The following PRKCE variants were observed in gnomAD, a reference collection of about 807,000 sequenced individuals.
PRKCE encodes protein kinase C epsilon, also known as protein kinase C epsilon type.
PRKCE carries 16 observed loss-of-function variants against 85.4 expected under a neutral mutation model. That is an observed-to-expected ratio of 0.19 (90% confidence interval 0.13 to 0.28). PRKCE has a LOEUF of 0.28. Among genes scored for constraint, PRKCE ranks in the 10% least tolerant of loss-of-function variants. The pLI, the probability that PRKCE is intolerant of heterozygous loss-of-function variation, is 1.00. For missense variants in PRKCE, 573 were observed against 975.2 expected, an observed-to-expected ratio of 0.59 and a Z score of 5.49; for synonymous variants, 388 against 371.5, an observed-to-expected ratio of 1.04 and a Z score of -0.51.
chr2:46,152,003 C>G lies in PRKCE; in HGVS notation c.1920+774C>G, dbSNP rs563033424. Among the ~76,000 whole-genome samples, 5 of 152,316 alleles carry G rather than the reference C, an allele frequency of 3.3e-5. No individual in the cohort carries two copies. The East Asian group carries it at 9.6e-4, about 29-fold the overall frequency. ...CTAAGATAGGATGAGGGTGACAACC[C>G]AGGGACCATGACTTCTAGACTTGGC... On this transcript the variant is annotated intron_variant, in intron 13 of 14. Transcript: ENST00000306156.
At position 45,835,075 on chromosome 2, in the gene PRKCE, C is replaced by T. The variant is rs144310402; in HGVS notation, c.349-7925C>T. On this transcript the variant is annotated intron_variant, in intron 1 of 14. Transcript: ENST00000306156. ...ACGTGGGTGGGTGTGTGAATGTGCA[C>T]GCCTACACAGGTAGGTGTACATTAT... 3.3e-3 allele frequency among the ~76,000 whole-genome samples: 509 copies of T among 152,200 alleles called. 7 individuals are homozygous for T. Among genetic ancestry groups the T allele is most frequent in the Non-Finnish European group, 8.5e-4 (58 of 68,004 alleles).
chr2:45,718,154 C>T (rs1017925695), intron 1 of PRKCE, among the ~76,000 whole-genome samples: 1 of 152,016 alleles, frequency 6.6e-6, no homozygotes, highest in African/African-American at 2.4e-5. Context: ...TGTTTAGTTG[C>T]TTCCCTGGCC....
chr2:45,756,437 T>C (rs1684012406), intron 1 of PRKCE, among the ~76,000 whole-genome samples: 1 of 152,220 alleles, frequency 6.6e-6, no homozygotes. Flanking sequence ...TTTGCAAGTT[T>C]CTTAAAAAGT....
chr2:45,757,883 G>A (rs1403905212), intron 1 of PRKCE, among the ~76,000 whole-genome samples: 2 of 152,160 alleles, frequency 1.3e-5, no homozygotes, highest in African/African-American at 2.4e-5. Flanking sequence ...AGGTCTTGAC[G>A]GAGGTTGATG....
chr2:45,922,434 C>T (rs1369255996), intron 2 of PRKCE, among the ~76,000 whole-genome samples: 1 of 152,176 alleles, frequency 6.6e-6, no homozygotes, highest in African/African-American at 2.4e-5. Flanking sequence ...TTGGGGGACA[C>T]AGGAGTCAGA....
chr2:45,929,712 C>G (rs557424928), intron 2 of PRKCE, among the ~76,000 whole-genome samples: 1 of 152,166 alleles, frequency 6.6e-6, no homozygotes, highest in African/African-American at 2.4e-5. Context: ...TGTTCCATCC[C>G]CATCTTCCCC....
At chr2:45,949,563 A>G (rs796286488) in intron 2 of PRKCE, among the ~76,000 whole-genome samples, 15 of 149,984 alleles carry the variant, frequency 1.0e-4, no homozygotes, top group African/African-American at 3.2e-4. Flanking sequence ...GAAGTCTTAC[A>G]TTTTAATGAT....
At chr2:46,010,846 C>T (rs756914020) in intron 10 of PRKCE, 50 of 1,534,396 alleles carry the variant, frequency 3.3e-5, no homozygotes, top group Non-Finnish European at 4.3e-5. Flanking sequence ...AACTTTCTAT[C>T]ACTAATCAAA....
At chr2:46,082,737 C>G (rs556399918) in intron 10 of PRKCE, among the ~76,000 whole-genome samples, 9 of 152,220 alleles carry the variant, frequency 5.9e-5, no homozygotes, top group African/African-American at 1.9e-4. Flanking sequence ...AGGGGGGAAG[C>G]CTGAAAGCCA....
intron 1 of PRKCE, among the ~76,000 whole-genome samples, chr2:45,834,693 C>G (rs1023211532): frequency 6.6e-6 from 1 of 152,146 alleles, no homozygotes; most frequent in Admixed American, 6.5e-5. Flanking sequence ...TATCCCCCCT[C>G]CACTTAATGT....
chr2:45,897,108 C>T (rs1696206638), intron 2 of PRKCE, among the ~76,000 whole-genome samples: 2 of 152,228 alleles, frequency 1.3e-5, no homozygotes, highest in South Asian at 4.1e-4. Context: ...TTAATAACTG[C>T]ATTGGTAGTA....
intron 2 of PRKCE, among the ~76,000 whole-genome samples, chr2:45,881,915 T>TGG (rs1694918249): frequency 6.6e-6 from 1 of 152,190 alleles, no homozygotes; most frequent in Non-Finnish European, 1.5e-5. Context: ...CTGGAGCATG[T>TGG]GGAGCTCTGT....
In PRKCE at chr2:45,948,878, A is replaced by T. The variant is rs879898441; in HGVS notation, c.413-27551A>T. Among the ~76,000 whole-genome samples, 4 of 152,228 alleles carry T rather than the reference A, an allele frequency of 2.6e-5. No homozygotes were observed. In the East Asian group the frequency reaches 7.7e-4, roughly 29 times the overall value. On this transcript the variant is annotated intron_variant, in intron 2 of 14. Transcript: ENST00000306156. ...GGTATACTGTACACATTGTTTTGTA[A>T]CTTGCTTTTTAAATGGAACATAATT...
chr2:45,674,493 G>A (rs1676327851), intron 1 of PRKCE, among the ~76,000 whole-genome samples: 1 of 152,186 alleles, frequency 6.6e-6, no homozygotes, highest in African/African-American at 2.4e-5. Flanking sequence ...TCAAGGGCTA[G>A]GGATCTTTAC....
chr2:45,892,113 T>G (rs1695766443), intron 2 of PRKCE, among the ~76,000 whole-genome samples: 2 of 152,230 alleles, frequency 1.3e-5, no homozygotes, highest in South Asian at 4.1e-4. Context: ...TACCTTACCA[T>G]CTCCACGATT....
intron 2 of PRKCE, among the ~76,000 whole-genome samples, chr2:45,877,222 A>C (rs930656999): frequency 1.3e-5 from 2 of 152,096 alleles, no homozygotes; most frequent in Non-Finnish European, 2.9e-5. Context: ...TACTCTTTTA[A>C]AGATAAGGTC....
chr2:45,750,615 A>G (rs1394904336), intron 1 of PRKCE, among the ~76,000 whole-genome samples: 1 of 152,208 alleles, frequency 6.6e-6, no homozygotes, highest in East Asian at 1.9e-4. Flanking sequence ...AATGATGTCA[A>G]CTTCCTTGTT....
rs144312340 is a variant in PRKCE at position 45,717,161 on chromosome 2, C to A, written c.348+64713C>A. Among the ~76,000 whole-genome samples, 978 of 152,292 alleles carry A rather than the reference C, an allele frequency of 6.4e-3. 8 individuals carry two copies. Among genetic ancestry groups the A allele is most frequent in the Non-Finnish European group, 0.011 (757 of 68,016 alleles). ...GATGAGGATCCCATTGTTTGCCTCC[C>A]ACAACAGGCTAGGCCCAGATGAGGA... On this transcript the variant is annotated intron_variant, in intron 1 of 14. Transcript: ENST00000306156.
chr2:46,052,282 T>C (rs1024965366), intron 10 of PRKCE, among the ~76,000 whole-genome samples: 1 of 152,008 alleles, frequency 6.6e-6, no homozygotes, highest in African/African-American at 2.4e-5. Flanking sequence ...CTAGAACTAA[T>C]AAAAGAGTAG....
Sources: allele counts gnomAD v4.1 joint callset (sites outside exome capture counted in the v4.1 genomes callset), GRCh38; gene constraint gnomAD v4.1.1; transcripts MANE v1.5; gene names NCBI Gene and HGNC (gene_info 2026-07-23, HGNC 2026-07-21).